RTTN: variants seen among roughly 807,000 people sequenced by gnomAD.
The protein encoded by RTTN is rotatin.
A neutral mutation model predicts 269.2 loss-of-function variants in RTTN; 182 were observed. The ratio of observed to expected loss-of-function variants is 0.68; its 90% CI spans 0.60 to 0.76. RTTN has a LOEUF of 0.76. Ranked by LOEUF, RTTN falls within the 30% of genes least tolerant of loss-of-function variation. RTTN has a pLI of 0.00. For missense variants in RTTN, 2,545 were observed against 2,608.6 expected (o/e 0.98, Z 0.53); for synonymous variants, 1,006 against 963.5 (o/e 1.04, Z -0.82).
chr18:70,055,908 G>A (rs1394492033), intron 37 of RTTN, among the ~76,000 whole-genome samples: 1 of 151,970 alleles, frequency 6.6e-6, no homozygotes, highest in Non-Finnish European at 1.5e-5. Flanking sequence ...CCACCAGCAG[G>A]GCTCTGGCCA....
intron 25 of RTTN, among the ~76,000 whole-genome samples, chr18:70,125,491 GA>G (rs1028354206): frequency 6.6e-6 from 1 of 151,838 alleles, no homozygotes; most frequent in Non-Finnish European, 1.5e-5. Flanking sequence ...TCATATATTT[GA>G]AAAATTAGCC....
intron 26 of RTTN, among the ~76,000 whole-genome samples, chr18:70,115,979 T>A (rs1032778524): frequency 2.6e-5 from 4 of 151,994 alleles, no homozygotes; most frequent in Admixed American, 2.6e-4. Flanking sequence ...ATCTAAATAG[T>A]TTTTTTCCCA....
intron 36 of RTTN, among the ~76,000 whole-genome samples, chr18:70,059,547 T>C (rs1211395033): frequency 6.6e-6 from 1 of 152,198 alleles, no homozygotes; most frequent in Admixed American, 6.5e-5. Flanking sequence ...GAACAGGGGA[T>C]AGCACCATAT....
chr18:70,094,733 TGTG>T (rs1374283694), intron 28 of RTTN, among the ~76,000 whole-genome samples: 1 of 152,210 alleles, frequency 6.6e-6, no homozygotes, highest in Non-Finnish European at 1.5e-5. Flanking sequence ...ATAAGTGCGA[TGTG>T]GTGCTGAGAA....
chr18:70,107,599 T>TA (rs1022911690), intron 28 of RTTN, among the ~76,000 whole-genome samples: 2 of 152,246 alleles, frequency 1.3e-5, no homozygotes, highest in East Asian at 1.9e-4. Flanking sequence ...GAAAGACTTT[T>TA]AAAAAAATCA....
At chr18:70,052,391 C>A (rs576023127) in intron 38 of RTTN, among the ~76,000 whole-genome samples, 1 of 152,058 alleles carries the variant, frequency 6.6e-6, no homozygotes, top group Non-Finnish European at 1.5e-5. Context: ...GAAAATGTTT[C>A]CTCATTGCCA....
intron 37 of RTTN, 135 bp from the exon 38 acceptor site, chr18:70,054,419 A>G (rs552333687): frequency 1.3e-6 from 1 of 784,112 alleles, no homozygotes; most frequent in South Asian, 2.2e-5. Flanking sequence ...AAATTAACAC[A>G]TAGCAGACAA....
rs375789123 is a variant in RTTN, at chr18:70,199,410, G to A, written c.578+4C>T. ...AATACCTGAAAATACATCAAGCACC[G>A]TACCTTTCATTAGAGGAGAGGACAT... On this transcript the variant is annotated splice_donor_region_variant and intron_variant, in intron 5 of 48. Transcript: ENST00000640769. 122 of 1,589,924 alleles carry A rather than the reference G, an allele frequency of 7.7e-5. No homozygotes were observed. Among genetic ancestry groups the A allele is most frequent in the East Asian group, 1.6e-4 (7 of 44,634 alleles).
chr18:70,091,953 C>T (rs1386233522), intron 30 of RTTN, among the ~76,000 whole-genome samples, 157 bp downstream of exon 30: 2 of 152,048 alleles, frequency 1.3e-5, no homozygotes, highest in Admixed American at 1.3e-4. Flanking sequence ...TGGGGTTTCA[C>T]TGTGTTAGCC....
intron 38 of RTTN, among the ~76,000 whole-genome samples, chr18:70,052,331 G>A (rs1421727474): frequency 6.6e-6 from 1 of 152,054 alleles, no homozygotes; most frequent in Non-Finnish European, 1.5e-5. Context: ...GCAATCCTTG[G>A]TGTTTCTCAA....
intron 19 of RTTN, among the ~76,000 whole-genome samples, chr18:70,140,957 T>C (rs10871665): frequency 0.72 from 109,998 of 151,772 alleles, 46,543 homozygotes; most frequent in East Asian, 1. Context: ...GAAGCTATCA[T>C]TGTAACAATC....
intron 17 of RTTN, among the ~76,000 whole-genome samples, chr18:70,148,637 G>T (rs2060457590): frequency 6.6e-6 from 1 of 152,164 alleles, no homozygotes; most frequent in Non-Finnish European, 1.5e-5. Context: ...AACTTGCCTA[G>T]GGCACTACTG....
intron 46 of RTTN, among the ~76,000 whole-genome samples, chr18:70,013,097 G>A (rs1041800515): frequency 6.6e-6 from 1 of 152,126 alleles, no homozygotes; most frequent in African/African-American, 2.4e-5. Flanking sequence ...CCCTTTGGTT[G>A]TCGTGTATCA....
chr18:70,198,718 G>T (rs1555782062), intron 5 of RTTN, among the ~76,000 whole-genome samples: 2 of 152,144 alleles, frequency 1.3e-5, no homozygotes, highest in Non-Finnish European at 2.9e-5. Flanking sequence ...TATCCACATG[G>T]TTTAATTTGT....
At chr18:70,179,383 G>A (rs1318070888) in intron 10 of RTTN, among the ~76,000 whole-genome samples, 1 of 152,086 alleles carries the variant, frequency 6.6e-6, no homozygotes, top group African/African-American at 2.4e-5. Context: ...ATGATGAATT[G>A]AGTACTTCTC....
chr18:70,067,205 G>GC (rs1352384153), intron 34 of RTTN, among the ~76,000 whole-genome samples: 1 of 150,938 alleles, frequency 6.6e-6, no homozygotes, highest in Non-Finnish European at 1.5e-5. Flanking sequence ...TGTTGCCCAG[G>GC]CTGGAGTGCA....
chr18:70,057,851 G>C lies in RTTN; in HGVS notation c.4941-19C>G, dbSNP rs756765591. The C allele has an allele frequency of 1.7e-5, 27 of 1,571,442 alleles. No homozygotes were observed. In the South Asian group the frequency reaches 2.9e-4, roughly 17 times the overall value. Reference sequence around the variant, plus strand: ...TGCAATGCTGTGACGATCAGAAAAAGAAAATCCTTCAGAAGATTAGTATAC... The same window carrying C: ...TGCAATGCTGTGACGATCAGAAAAACAAAATCCTTCAGAAGATTAGTATAC... On this transcript the variant is annotated intron_variant, in intron 36 of 48. Coordinates refer to ENST00000640769, the MANE Select transcript of RTTN (RefSeq NM_173630.4).
chr18:70,058,839 C>T (rs768619913), intron 36 of RTTN, among the ~76,000 whole-genome samples: 16 of 152,172 alleles, frequency 1.1e-4, no homozygotes, highest in Non-Finnish European at 1.9e-4. Context: ...CAAACTCATA[C>T]TCCATTGCGT....
Position 70,024,810 on chromosome 18 carries a change from G to A in RTTN, c.5862C>T (p.His1954=), listed in dbSNP as rs377684300. 39 of 1,613,382 alleles carry A rather than the reference G, an allele frequency of 2.4e-5. No homozygotes were observed. The African/African-American group carries it at 5.2e-4, about 22-fold the overall frequency. Residue 1954 remains histidine, a synonymous_variant, in exon 44 of 49, where the codon CAC becomes CAT. Transcript: ENST00000640769. ...CCATCAAAATCCAAGGCCAGAGAGA[G>A]TGCAAGACAGGGACAAGGTGAGCTT... ...ALEAHLVPVL[H]SLWPWILMDD... is the part of the protein sequence containing the mutation.
Sources: allele counts gnomAD v4.1 joint callset (sites outside exome capture counted in the v4.1 genomes callset), GRCh38; gene constraint gnomAD v4.1.1; transcripts MANE v1.5; gene names NCBI Gene and HGNC (gene_info 2026-07-23, HGNC 2026-07-21).